RHPN2: variants seen among roughly 807,000 people sequenced by gnomAD.
RHPN2 encodes rhophilin Rho GTPase binding protein 2.
RHPN2 carries 40 observed loss-of-function variants against 79.0 expected under a neutral mutation model. The ratio of observed to expected loss-of-function variants is 0.51; its 90% CI spans 0.39 to 0.66. The LOEUF is 0.66. Among genes scored for constraint, RHPN2 ranks in the 30% least tolerant of loss-of-function variants. The probability of loss-of-function intolerance (pLI) is 0.00; values close to 1 mark genes in which losing one functional copy is unlikely to be tolerated. For missense variants in RHPN2, 686 were observed against 883.5 expected, an observed-to-expected ratio of 0.78 and a Z score of 2.83; for synonymous variants, 285 against 363.5, an observed-to-expected ratio of 0.78 and a Z score of 2.46.
chr19:32,982,385 C>T (rs1971581636), intron 14 of RHPN2, among the ~76,000 whole-genome samples: 1 of 151,664 alleles, frequency 6.6e-6, no homozygotes, highest in South Asian at 2.1e-4. Flanking sequence ...CCAGCCTGGG[C>T]GATGGAGTGA....
intron 1 of RHPN2, among the ~76,000 whole-genome samples, chr19:33,056,279 A>G (rs1410125892): frequency 2.6e-5 from 4 of 151,200 alleles, no homozygotes; most frequent in Admixed American, 6.6e-5. Context: ...CACCCAGCTA[A>G]TTTTGTATTT....
chr19:33,064,650 C>G (rs1972311705), intron 1 of RHPN2, 134 bp downstream of exon 1: 1 of 917,806 alleles, frequency 1.1e-6, no homozygotes, highest in Non-Finnish European at 1.6e-6. Context: ...GTCCGGCCAG[C>G]GCCGGCCCAG....
rs750608992 is a variant in RHPN2, at chr19:33,044,280, G to A, written c.154C>T (p.Arg52Trp). The stretch of plus-strand genomic sequence containing the variant: ...AGGTTTTCCGCTCCGGTCCTCATCC[G>A]CACGGCTTTCAGGATCTGCTGATTC... ...ALNQQILKAVRMRTGAENLLK... is the reference protein window; with the variant it reads ...ALNQQILKAVWMRTGAENLLK... Residue 52 changes from arginine (R) to tryptophan (W), a missense_variant, in exon 2 of 15, where the codon CGG (arginine) becomes TGG (tryptophan). Transcript: ENST00000254260. 22 of 1,613,976 alleles carry A rather than the reference G, an allele frequency of 1.4e-5. No individual in the cohort carries two copies. The highest frequency in any genetic ancestry group is 8.9e-5 in the East Asian group (4 of 44,866).
chr19:32,989,554 C>T (rs1971638364), intron 14 of RHPN2, among the ~76,000 whole-genome samples: 1 of 152,328 alleles, frequency 6.6e-6, no homozygotes, highest in Admixed American at 6.5e-5. Flanking sequence ...TTAAGCACTT[C>T]TGTACCATTA....
intron 2 of RHPN2, among the ~76,000 whole-genome samples, chr19:33,030,529 G>C (rs567835605): frequency 2.6e-5 from 4 of 152,060 alleles, no homozygotes; most frequent in Non-Finnish European, 5.9e-5. Flanking sequence ...GGAGGTGGAG[G>C]TTGCAGTGAG....
intron 2 of RHPN2, among the ~76,000 whole-genome samples, chr19:33,037,667 G>A (rs111800059): frequency 0.071 from 10,832 of 152,008 alleles, 1,176 homozygotes; most frequent in African/African-American, 0.24. Flanking sequence ...AACACTCACC[G>A]CAGAGGTCTG....
intron 7 of RHPN2, among the ~76,000 whole-genome samples, chr19:33,005,710 C>T (rs1971785616): frequency 1.3e-5 from 2 of 151,616 alleles, no homozygotes; most frequent in African/African-American, 4.8e-5. Flanking sequence ...TGTTCTCCTA[C>T]TTGCTTCATT....
chr19:33,049,154 G>A (rs1972167767), intron 1 of RHPN2, among the ~76,000 whole-genome samples: 1 of 152,074 alleles, frequency 6.6e-6, no homozygotes, highest in Admixed American at 6.6e-5. Context: ...GGCTTTGCTG[G>A]GGAACACAAG....
At chr19:33,001,573 C>T (rs1971749376) in intron 9 of RHPN2, among the ~76,000 whole-genome samples, 2 of 151,880 alleles carry the variant, frequency 1.3e-5, no homozygotes, top group Admixed American at 6.6e-5. Context: ...AAATTCCGAT[C>T]ATCACAGATT....
intron 7 of RHPN2, among the ~76,000 whole-genome samples, chr19:33,007,530 G>A (rs999077850): frequency 6.8e-6 from 1 of 146,360 alleles, no homozygotes; most frequent in African/African-American, 2.6e-5. Flanking sequence ...ATAAATAAAG[G>A]CACGGAGAGT....
In RHPN2 at chr19:33,029,195, T is replaced by TACTGACATAAA. The variant is rs367639355; in HGVS notation, c.186-2564_186-2563insTTTATGTCAGT. On this transcript the variant is annotated intron_variant, in intron 2 of 14. Coordinates refer to ENST00000254260, the MANE Select transcript of RHPN2 (RefSeq NM_033103.5). Reference sequence around the variant, plus strand: ...AGAAGCCATAGTCATCAAGATAGCATGGTACTGACATAAAGATAGGCAATG... The same window carrying TACTGACATAAA: ...AGAAGCCATAGTCATCAAGATAGCATACTGACATAAAGGTACTGACATAAAGATAGGCAATG... 8.6e-3 allele frequency among the ~76,000 whole-genome samples: 1,307 copies of TACTGACATAAA among 151,598 alleles called. 15 individuals are homozygous for TACTGACATAAA. The highest frequency in any genetic ancestry group is 0.03 in the African/African-American group (1,221 of 41,320).
intron 7 of RHPN2, among the ~76,000 whole-genome samples, chr19:33,007,376 A>G (rs1971799519): frequency 6.6e-6 from 1 of 151,864 alleles, no homozygotes; most frequent in Non-Finnish European, 1.5e-5. Context: ...AATCCCAGCT[A>G]CTCAGGAGGC....
intron 10 of RHPN2, among the ~76,000 whole-genome samples, chr19:32,998,508 G>A (rs139705167): frequency 4.3e-4 from 65 of 152,058 alleles, no homozygotes; most frequent in African/African-American, 8.9e-4. Flanking sequence ...TTAGCCGGGC[G>A]TGGTGGTGCA....
rs1437034521 is a variant in RHPN2 at position 33,032,043 on chromosome 19, CAG to C, written c.186-5413_186-5412del. Among the ~76,000 whole-genome samples the C allele has an allele frequency of 1.3e-3, 113 of 84,718 alleles. 2 individuals carry two copies. The Admixed American group carries it at 0.016, about 12-fold the overall frequency. The allele number at this position is 84,718 out of a possible 152,430, so 55.6% of individuals were successfully genotyped here. On this transcript the variant is annotated intron_variant, in intron 2 of 14. Transcript: ENST00000254260. ...TTTTTTTTTTTTTTTTTTTTTGAGG[CAG>C]AGTCTCACTCTTTCCCCCGGGCTGG... is the stretch of plus-strand genomic sequence containing the variant.
intron 1 of RHPN2, among the ~76,000 whole-genome samples, chr19:33,063,188 C>T (rs1013403521): frequency 2.0e-5 from 3 of 152,080 alleles, no homozygotes; most frequent in Non-Finnish European, 4.4e-5. Flanking sequence ...GATCCTCTGT[C>T]CCAAACGCCA....
intron 7 of RHPN2, among the ~76,000 whole-genome samples, chr19:33,006,642 C>G (rs1220895684): frequency 6.6e-6 from 1 of 152,190 alleles, no homozygotes; most frequent in Non-Finnish European, 1.5e-5. Flanking sequence ...GCATCCATCC[C>G]CACGTGGAGT....
At position 32,999,475 on chromosome 19, in the gene RHPN2, G is replaced by A. The variant is rs575574981; in HGVS notation, c.1225+111C>T. The A allele has an allele frequency of 1.8e-5, 25 of 1,391,122 alleles. 1 individual carries two copies. In the African/African-American group the frequency reaches 1.9e-4, roughly 10 times the overall value. 86.2% of individuals were successfully genotyped at this position (1,391,122 alleles called of 1,614,324 possible). On this transcript the variant is annotated intron_variant, in intron 10 of 14. Transcript: ENST00000254260. ...GAACCCAAAGTGGCCACGATGACTC[G>A]GAACACCCCCCTCTCCCGGGCCCTC...
At chr19:33,030,942 C>G (rs970769126) in intron 2 of RHPN2, among the ~76,000 whole-genome samples, 1 of 152,164 alleles carries the variant, frequency 6.6e-6, no homozygotes, top group Non-Finnish European at 1.5e-5. Flanking sequence ...GTGCTTCTGA[C>G]TGATGAGCTG....
In RHPN2 at chr19:33,011,873, C is replaced by G. The variant is rs1971838319; in HGVS notation, c.469-70G>C. On this transcript the variant is annotated intron_variant, in intron 5 of 14. Coordinates refer to ENST00000254260, the MANE Select transcript of RHPN2 (RefSeq NM_033103.5). ...AGCTGATGGCCCTTCCCAGAAGGTG[C>G]CCTGCACATACCAGCAGGTGCCTGT... 4 of 1,602,618 alleles carry G rather than the reference C, an allele frequency of 2.5e-6. No homozygotes were observed. In the South Asian group the frequency reaches 4.4e-5, roughly 18 times the overall value.
Sources: allele counts gnomAD v4.1 joint callset (sites outside exome capture counted in the v4.1 genomes callset), GRCh38; gene constraint gnomAD v4.1.1; transcripts MANE v1.5; gene names NCBI Gene and HGNC (gene_info 2026-07-23, HGNC 2026-07-21).